UVSSA: variants seen among roughly 807,000 people sequenced by gnomAD.
UVSSA encodes the protein UV stimulated scaffold protein A, also known as UV-stimulated scaffold protein A.
A neutral mutation model predicts 73.9 loss-of-function variants in UVSSA; 72 were observed. The observed-to-expected ratio is 0.97, with a 90% CI of 0.81 to 1.19. The LOEUF (loss-of-function observed/expected upper bound fraction) is 1.19. Ranked by LOEUF, UVSSA falls within the 50% of genes most tolerant of loss-of-function variation. UVSSA has a pLI of 0.00. For missense variants in UVSSA, 1,150 were observed against 965.0 expected, an observed-to-expected ratio of 1.19 and a Z score of -2.54; for synonymous variants, 454 against 391.3, an observed-to-expected ratio of 1.16 and a Z score of -1.89.
exon 14 of UVSSA, chr4:1,394,832 G>GGT (rs1258221248): frequency 8.0e-7 from 1 of 1,243,394 alleles, no homozygotes; most frequent in Non-Finnish European, 1.1e-6. Context: ...GTGCCCGCCT[G>GGT]CTCACGTGCC....
chr4:1,375,975 G>A, intron 9 of UVSSA, 59 bp from the exon 10 acceptor site: 2 of 1,553,704 alleles, frequency 1.3e-6, no homozygotes, highest in Admixed American at 1.9e-5. Context: ...GGAGGGAGAG[G>A]AGGGTGGCTG....
At chr4:1,361,101 C>G (rs1471625430) in intron 7 of UVSSA, among the ~76,000 whole-genome samples, 2 of 152,380 alleles carry the variant, frequency 1.3e-5, no homozygotes, top group East Asian at 3.9e-4. Flanking sequence ...ATCTGGCAGG[C>G]AGCCCCGGGG....
chr4:1,348,205 C>G lies in UVSSA; in HGVS notation c.98+16C>G, dbSNP rs777405757. The G allele has an allele frequency of 6.3e-7, 1 of 1,583,004 alleles. No homozygotes were observed. Among genetic ancestry groups the G allele is most frequent in the Admixed American group, 1.7e-5 (1 of 59,972 alleles). ...AAATTTGCAAGTATGTCTTAGGGTT[C>G]AGTAACAGTAACTGACTGGCCCACT... On this transcript the variant is annotated intron_variant, in intron 2 of 13. Coordinates refer to ENST00000389851, the MANE Select transcript of UVSSA (RefSeq NM_020894.4).
intron 5 of UVSSA, among the ~76,000 whole-genome samples, chr4:1,353,820 G>A (rs955691666): frequency 6.6e-6 from 1 of 152,170 alleles, no homozygotes; most frequent in African/African-American, 2.4e-5. Flanking sequence ...TCAGGGTCCC[G>A]TGTCGCCATG....
At chr4:1,370,292 G>C (rs966479299) in intron 8 of UVSSA, among the ~76,000 whole-genome samples, 6 of 152,196 alleles carry the variant, frequency 3.9e-5, no homozygotes, top group African/African-American at 1.4e-4. Context: ...TGTGCTGACA[G>C]CCCGTATCTG....
intron 6 of UVSSA, 83 bp downstream of exon 6, chr4:1,354,930 T>C: frequency 1.3e-6 from 2 of 1,500,538 alleles, no homozygotes; most frequent in Non-Finnish European, 1.8e-6. Context: ...TTGGGGGGAC[T>C]GTGGCCCGGT....
In UVSSA at chr4:1,395,696, C is replaced by G. The variant is rs202094706; in HGVS notation, c.*9735C>G. ...ACACGTGCCCATGTGGAGTGCCCGCCTGCTCACACAAAGCCCTGGCATGGT... is the reference window on the plus strand; with the variant it reads ...ACACGTGCCCATGTGGAGTGCCCGCGTGCTCACACAAAGCCCTGGCATGGT... On this transcript the variant is annotated 3_prime_UTR_variant, in exon 14 of 14. Coordinates refer to the UVSSA transcript ENST00000511216. The G allele has an allele frequency of 1.4e-5, 22 of 1,614,144 alleles. No homozygotes were observed. In the East Asian group the frequency reaches 4.2e-4, roughly 31 times the overall value.
chr4:1,342,165 G>A (rs1577257990), upstream of UVSSA, among the ~76,000 whole-genome samples: 5 of 152,318 alleles, frequency 3.3e-5, no homozygotes, highest in South Asian at 1.0e-3. Context: ...ATGTTTAACT[G>A]TACCACAACT....
intron 10 of UVSSA, among the ~76,000 whole-genome samples, chr4:1,378,356 C>T (rs2109283663): frequency 6.6e-6 from 1 of 152,308 alleles, no homozygotes; most frequent in African/African-American, 2.4e-5. Context: ...AGTTCGAGAC[C>T]AGCCTGGCCA....
rs1377108118 is a variant in UVSSA, at chr4:1,387,655, C to T, written c.*1694C>T. 3 of 152,078 alleles carry T rather than the reference C, an allele frequency of 2.0e-5. No individual in the cohort carries two copies. In the East Asian group the frequency reaches 5.8e-4, roughly 29 times the overall value. 9.4% of individuals were successfully genotyped at this position (152,078 alleles called of 1,614,324 possible). A position where few individuals can be genotyped will look rare whatever the true frequency, so the allele number is the denominator to read the frequency against. On this transcript the variant is annotated 3_prime_UTR_variant, in exon 14 of 14. Coordinates refer to ENST00000389851, the MANE Select transcript of UVSSA (RefSeq NM_020894.4). ...TGGTGTAAGAGCCCACATTCTTTTG[C>T]ATGTGGATATCCAGTTGTCCCAGCA... is the stretch of plus-strand genomic sequence containing the variant.
chr4:1,372,720 C>T (rs1489742177), intron 8 of UVSSA, among the ~76,000 whole-genome samples: 1 of 144,974 alleles, frequency 6.9e-6, no homozygotes, highest in Non-Finnish European at 1.5e-5. Flanking sequence ...CACTCATCTC[C>T]TGCTACTCAG....
chr4:1,351,622 C>A, intron 3 of UVSSA, 93 bp from the exon 4 acceptor site: 1 of 1,368,246 alleles, frequency 7.3e-7, no homozygotes, highest in South Asian at 1.2e-5. Context: ...ATCTCCTGAC[C>A]TCGTGATCTG....
At chr4:1,349,117 G>A (rs1207277206) in intron 2 of UVSSA, among the ~76,000 whole-genome samples, 3 of 152,154 alleles carry the variant, frequency 2.0e-5, no homozygotes, top group Non-Finnish European at 4.4e-5. Context: ...GCTAGGTAAC[G>A]TGTGTTTAAA....
rs1400682910 is a variant in UVSSA, at chr4:1,347,480, C to T, written c.-283C>T. On this transcript the variant is annotated 5_prime_UTR_variant, in exon 1 of 14. Coordinates refer to ENST00000389851, the MANE Select transcript of UVSSA (RefSeq NM_020894.4). ...CCCGCGGTCCAAGCCTCGCGTGGCC[C>T]TGCCGGGCCCCTTCTTTCCCCGAGT... 1.3e-5 allele frequency: 2 copies of T among 152,500 alleles called. No individual in the cohort carries two copies. Among genetic ancestry groups the T allele is most frequent in the Non-Finnish European group, 2.9e-5 (2 of 68,106 alleles). The allele number at this position is 152,500 out of a possible 1,614,324, so 9.4% of individuals were successfully genotyped here.
At chr4:1,353,646 C>T (rs936277744) in intron 5 of UVSSA, among the ~76,000 whole-genome samples, 1 of 152,198 alleles carries the variant, frequency 6.6e-6, no homozygotes. Context: ...ATGGCAGCCC[C>T]CACCTCAGTG....
At chr4:1,347,848 AGC>A (rs1560413280) in intron 1 of UVSSA, 88 bp downstream of exon 1, 1 of 485,426 alleles carries the variant, frequency 2.1e-6, no homozygotes, top group African/African-American at 2.0e-5. Context: ...CCCTCAATGC[AGC>A]GTCCCACACA....
At chr4:1,377,891 C>T (rs556176560) in intron 10 of UVSSA, among the ~76,000 whole-genome samples, 48 of 152,374 alleles carry the variant, frequency 3.2e-4, no homozygotes, top group African/African-American at 1.1e-3. Flanking sequence ...GGCAGCGGCC[C>T]GGGCTGGGGA....
intron 12 of UVSSA, among the ~76,000 whole-genome samples, chr4:1,382,226 C>T (rs892156023): frequency 6.6e-6 from 1 of 152,250 alleles, no homozygotes; most frequent in Non-Finnish European, 1.5e-5. Flanking sequence ...GGCTCACACT[C>T]AGGAGCAAAT....
At chr4:1,368,788 A>G (rs1386749515) in intron 8 of UVSSA, among the ~76,000 whole-genome samples, 2 of 152,368 alleles carry the variant, frequency 1.3e-5, no homozygotes, top group Non-Finnish European at 2.9e-5. Flanking sequence ...CAGGCTCAGC[A>G]GATGATGAGC....
Sources: gnomAD v4.1 joint callset for allele counts (sites outside exome capture counted in the v4.1 genomes callset) on GRCh38, gnomAD v4.1.1 for gene constraint, MANE v1.5 for transcripts, NCBI Gene and HGNC (gene_info 2026-07-23, HGNC 2026-07-21) for gene names.